Variants in MIER1 observed in about 807,000 individuals in gnomAD.
MIER1 encodes MIER1 transcriptional regulator.
In MIER1, 40 loss-of-function variants were observed where a neutral mutation model predicts 75.7. The ratio of observed to expected loss-of-function variants is 0.53; its 90% CI spans 0.41 to 0.69. The LOEUF (loss-of-function observed/expected upper bound fraction) is 0.69. Among genes scored for constraint, MIER1 ranks in the 30% least tolerant of loss-of-function variants. MIER1 has a pLI of 0.00. For missense variants in MIER1, 574 were observed against 680.2 expected (o/e 0.84, Z 1.74); for synonymous variants, 213 against 223.4 (o/e 0.95, Z 0.42).
intron 3 of MIER1, among the ~76,000 whole-genome samples, chr1:66,941,982 A>AAAT (rs1656340594): frequency 6.6e-6 from 1 of 151,762 alleles, no homozygotes; most frequent in African/African-American, 2.4e-5. Flanking sequence ...AAAAAAAAAA[A>AAAT]AAAAACAGTC....
chr1:66,947,755 AG>A (rs1558047832), intron 4 of MIER1: 2 of 174,506 alleles, frequency 1.1e-5, no homozygotes, highest in Non-Finnish European at 2.3e-5. Context: ...CTCCTCAACC[AG>A]GCCAGCAAGG....
chr1:66,941,863 G>C (rs113829973), intron 3 of MIER1, among the ~76,000 whole-genome samples: 12 of 151,802 alleles, frequency 7.9e-5, no homozygotes, highest in Non-Finnish European at 1.3e-4. Context: ...CCAGCTACTC[G>C]GAAGGCTGAG....
intron 1 of MIER1, chr1:66,925,435 C>G (rs1651377170): frequency 1.0e-6 from 1 of 985,178 alleles, no homozygotes; most frequent in South Asian, 4.7e-5. Flanking sequence ...CGGGGTGGGG[C>G]TAAGCTGACC....
chr1:66,972,147 A>G (rs1388806003), intron 10 of MIER1, among the ~76,000 whole-genome samples: 5 of 150,498 alleles, frequency 3.3e-5, no homozygotes, highest in Admixed American at 3.3e-4. Flanking sequence ...TAATGAAGCC[A>G]TGACTAAAAT....
intron 7 of MIER1, among the ~76,000 whole-genome samples, chr1:66,962,398 G>A (rs897759942): frequency 2.6e-5 from 4 of 152,086 alleles, no homozygotes; most frequent in Non-Finnish European, 5.9e-5. Flanking sequence ...CTACTTTGAA[G>A]CTCTGTTTTT....
At chr1:66,928,284 A>G (rs1392822905) in intron 2 of MIER1, among the ~76,000 whole-genome samples, 1 of 152,140 alleles carries the variant, frequency 6.6e-6, no homozygotes, top group African/African-American at 2.4e-5. Flanking sequence ...CATTTTCCTG[A>G]CAAGTTTAGG....
At chr1:66,981,972 C>T in intron 13 of MIER1, 54 bp downstream of exon 13, 1 of 1,583,902 alleles carries the variant, frequency 6.3e-7, no homozygotes, top group East Asian at 2.2e-5. Flanking sequence ...CACTTTCTTG[C>T]AGTGACTTGG....
intron 1 of MIER1, 70 bp downstream of exon 1, chr1:66,925,165 C>A (rs1569951890): frequency 2.7e-6 from 4 of 1,505,900 alleles, no homozygotes; most frequent in Non-Finnish European, 3.5e-6. Flanking sequence ...CCTGAGGTGT[C>A]CTCAGTCCCC....
At chr1:66,943,449 A>G (rs539493168) in intron 3 of MIER1, among the ~76,000 whole-genome samples, 20 of 152,346 alleles carry the variant, frequency 1.3e-4, no homozygotes, top group Admixed American at 1.3e-4. Context: ...ATAATCTGGT[A>G]TAAGGTATCT....
chr1:66,959,771 T>G (rs1660877881), intron 7 of MIER1, 28 bp downstream of exon 7: 10 of 1,133,258 alleles, frequency 8.8e-6, no homozygotes, highest in Non-Finnish European at 1.2e-5. Flanking sequence ...TTCCCAAAAT[T>G]TAGATAAATT....
intron 4 of MIER1, among the ~76,000 whole-genome samples, chr1:66,954,824 A>G (rs1012276544): frequency 6.6e-6 from 1 of 151,788 alleles, no homozygotes; most frequent in African/African-American, 2.4e-5. Context: ...CTCCTGCCTC[A>G]GCCTCCTCAG....
chr1:66,941,929 A>G (rs1339826699), intron 3 of MIER1, among the ~76,000 whole-genome samples: 1 of 148,740 alleles, frequency 6.7e-6, no homozygotes, highest in African/African-American at 2.5e-5. Flanking sequence ...AGATCATGCC[A>G]CTGCACTCCA....
intron 8 of MIER1, among the ~76,000 whole-genome samples, chr1:66,963,480 A>G (rs1482238886): frequency 2.0e-5 from 3 of 152,098 alleles, no homozygotes; most frequent in African/African-American, 2.4e-5. Context: ...ACCCTTCTCT[A>G]ATCTTTATAA....
chr1:66,966,958 T>C (rs142358478), intron 8 of MIER1, among the ~76,000 whole-genome samples: 89 of 152,334 alleles, frequency 5.8e-4, no homozygotes, highest in African/African-American at 2.0e-3. Context: ...TCCCATTCTG[T>C]AGGTTGTCTC....
At chr1:66,973,609 T>G (rs1409769754) in intron 11 of MIER1, among the ~76,000 whole-genome samples, 1 of 152,042 alleles carries the variant, frequency 6.6e-6, no homozygotes, top group African/African-American at 2.4e-5. Flanking sequence ...ACTTACAGAT[T>G]TGTTTTGGGG....
chr1:66,956,569 C>G (rs539823026), intron 4 of MIER1, among the ~76,000 whole-genome samples: 63 of 152,326 alleles, frequency 4.1e-4, no homozygotes, highest in Admixed American at 2.4e-3. Flanking sequence ...TACTTGAACA[C>G]TTAAAGCACT....
At chr1:66,971,885 C>T (rs1300252705) in intron 10 of MIER1, 149 bp downstream of exon 10, 9 of 475,906 alleles carry the variant, frequency 1.9e-5, no homozygotes, top group South Asian at 1.8e-4. Flanking sequence ...CTAAACAAAT[C>T]GTTACGGGGA....
chr1:66,946,808 C>T (rs938748744), intron 4 of MIER1: 13 of 984,578 alleles, frequency 1.3e-5, no homozygotes, highest in Non-Finnish European at 1.6e-5. Context: ...TCTCTCACTA[C>T]CTTACTTTTT....
chr1:66,979,952 C>A (rs1245971000), intron 12 of MIER1, among the ~76,000 whole-genome samples: 1 of 151,592 alleles, frequency 6.6e-6, no homozygotes, highest in Non-Finnish European at 1.5e-5. Context: ...TTAGTAGAGA[C>A]AGGGTTTCTC....
Sources: gnomAD v4.1 joint callset for allele counts (sites outside exome capture counted in the v4.1 genomes callset) on GRCh38, gnomAD v4.1.1 for gene constraint, MANE v1.5 for transcripts, NCBI Gene and HGNC (gene_info 2026-07-23, HGNC 2026-07-21) for gene names.